The following PAK2 variants were observed in gnomAD, a reference collection of about 807,000 sequenced individuals.
PAK2 encodes serine/threonine-protein kinase PAK 2.
A neutral mutation model predicts 65.9 loss-of-function variants in PAK2; 21 were observed. That is an observed-to-expected ratio of 0.32 (90% CI 0.23 to 0.46). The LOEUF (loss-of-function observed/expected upper bound fraction) is 0.46. PAK2 is among the 20% of genes least tolerant of loss of function. The pLI, the probability that PAK2 is intolerant of heterozygous loss-of-function variation, is 1.00. For synonymous variants in PAK2, 204 were observed against 219.7 expected (o/e 0.93, Z 0.63); for missense variants, 324 against 642.6 (o/e 0.50, Z 5.36).
chr3:196,824,995 T>C (rs1377473750), intron 13 of PAK2, among the ~76,000 whole-genome samples: 1 of 152,164 alleles, frequency 6.6e-6, no homozygotes, highest in Non-Finnish European at 1.5e-5. Flanking sequence ...GGGAACTCTG[T>C]ACTATCTGTT....
chr3:196,792,570 C>G (rs1364703580), intron 2 of PAK2, among the ~76,000 whole-genome samples: 2 of 152,082 alleles, frequency 1.3e-5, no homozygotes, highest in Non-Finnish European at 2.9e-5. Context: ...TCCCTCATTA[C>G]TAGTTAAATA....
At chr3:196,750,463 A>G (rs1342748685) in intron 1 of PAK2, among the ~76,000 whole-genome samples, 1 of 152,146 alleles carries the variant, frequency 6.6e-6, no homozygotes, top group African/African-American at 2.4e-5. Flanking sequence ...GTACGTGTGT[A>G]AATTCTACAC....
intron 1 of PAK2, among the ~76,000 whole-genome samples, chr3:196,748,381 G>A (rs778083138): frequency 1.1e-4 from 17 of 152,106 alleles, no homozygotes; most frequent in Non-Finnish European, 1.9e-4. Flanking sequence ...TGCTCGTATG[G>A]TATTGTACAT....
intron 1 of PAK2, among the ~76,000 whole-genome samples, chr3:196,778,889 G>A (rs750100754): frequency 2.3e-4 from 35 of 152,206 alleles, no homozygotes; most frequent in Non-Finnish European, 5.0e-4. Flanking sequence ...GGGTTTGGGG[G>A]AAGAATACCA....
At chr3:196,772,770 G>C (rs370150369) in intron 1 of PAK2, among the ~76,000 whole-genome samples, 5 of 152,154 alleles carry the variant, frequency 3.3e-5, no homozygotes, top group African/African-American at 7.2e-5. Context: ...CGGGGCAGGT[G>C]GGGAGGGAAG....
In PAK2 at chr3:196,753,851, A is replaced by G. The variant is rs537404423; in HGVS notation, c.-22+13694A>G. On this transcript the variant is annotated intron_variant, in intron 1 of 14. Coordinates refer to ENST00000327134, the MANE Select transcript of PAK2 (RefSeq NM_002577.4). ...TACATGTTCACTAATGTTGCCTGAAACATTAGTTCCTTATGATCTTTGTAC... is the reference window on the plus strand; with the variant it reads ...TACATGTTCACTAATGTTGCCTGAAGCATTAGTTCCTTATGATCTTTGTAC... 9.2e-5 allele frequency among the ~76,000 whole-genome samples: 14 copies of G among 152,242 alleles called. No individual in the cohort carries two copies. The East Asian group carries it at 1.5e-3, about 17-fold the overall frequency.
In PAK2 at chr3:196,780,153, C is replaced by T. The variant is rs75258669; in HGVS notation, c.-21-2473C>T. On this transcript the variant is annotated intron_variant, in intron 1 of 14. Coordinates refer to ENST00000327134, the MANE Select transcript of PAK2 (RefSeq NM_002577.4). ...GAATCATTTTAGGGCATGTTGTCAG[C>T]ACTGCCTTAGATCCTGCCCTCATTT... Among the ~76,000 whole-genome samples, 266 of 152,334 alleles carry T rather than the reference C, an allele frequency of 1.7e-3. 3 individuals carry two copies. In the East Asian group the frequency reaches 0.033, roughly 19 times the overall value.
At chr3:196,798,921 C>A (rs1037263744) in intron 2 of PAK2, among the ~76,000 whole-genome samples, 1 of 152,096 alleles carries the variant, frequency 6.6e-6, no homozygotes, top group African/African-American at 2.4e-5. Flanking sequence ...CTTTTAAAAA[C>A]CTACCATTGG....
chr3:196,769,510 A>G (rs1714289584), intron 1 of PAK2, among the ~76,000 whole-genome samples: 1 of 151,710 alleles, frequency 6.6e-6, no homozygotes, highest in African/African-American at 2.4e-5. Flanking sequence ...TCATCATCCC[A>G]AGCAGCAATT....
rs991427249 is a variant in PAK2, at chr3:196,829,900, C to T, written c.*1495C>T. On this transcript the variant is annotated 3_prime_UTR_variant, in exon 15 of 15. Transcript: ENST00000327134. ...TTATTTGAGTGCCCTCCCTTCTCCC[C>T]TCCCCTCCCTTTTCTCTTCTCTTTT... The T allele has an allele frequency of 1.3e-5, 2 of 151,992 alleles. No individual in the cohort carries two copies. Among genetic ancestry groups the T allele is most frequent in the Non-Finnish European group, 1.5e-5 (1 of 68,006 alleles). 9.4% of individuals were successfully genotyped at this position (151,992 alleles called of 1,614,324 possible). A position where few individuals can be genotyped will look rare whatever the true frequency, so the allele number is the denominator to read the frequency against.
chr3:196,819,207 C>T lies in PAK2; in HGVS notation c.1153+1051C>T, dbSNP rs559797202. Among the ~76,000 whole-genome samples, 9 of 152,154 alleles carry T rather than the reference C, an allele frequency of 5.9e-5. No homozygotes were observed. The East Asian group carries it at 1.2e-3, about 20-fold the overall frequency. ...CTGTAATCCCAGCACTTTGGGAGGT[C>T]GAGGCAGGTGGATTGCTTGAGCCCA... On this transcript the variant is annotated intron_variant, in intron 12 of 14. Coordinates refer to ENST00000327134, the MANE Select transcript of PAK2 (RefSeq NM_002577.4).
intron 13 of PAK2, among the ~76,000 whole-genome samples, chr3:196,822,046 C>T (rs192170228): frequency 4.5e-4 from 69 of 152,258 alleles, no homozygotes; most frequent in Non-Finnish European, 3.8e-4. Context: ...AGATTCTGAC[C>T]GTCTGTTTCC....
chr3:196,764,814 G>A (rs1270220854), intron 1 of PAK2, among the ~76,000 whole-genome samples: 3 of 149,534 alleles, frequency 2.0e-5, no homozygotes, highest in East Asian at 2.0e-4. Flanking sequence ...TCACTGCACC[G>A]ACCCCAAATT....
At chr3:196,775,825 C>G (rs1714518975) in intron 1 of PAK2, among the ~76,000 whole-genome samples, 1 of 152,160 alleles carries the variant, frequency 6.6e-6, no homozygotes, top group South Asian at 2.1e-4. Flanking sequence ...TAATGAAAAG[C>G]AGTATGGTAA....
chr3:196,824,580 C>G, intron 13 of PAK2, among the ~76,000 whole-genome samples: 1 of 152,034 alleles, frequency 6.6e-6, no homozygotes, highest in East Asian at 1.9e-4. Flanking sequence ...GGCAGGGGAT[C>G]GGGGGTAGAG....
intron 1 of PAK2, among the ~76,000 whole-genome samples, chr3:196,757,195 A>T (rs1429008978): frequency 6.6e-6 from 1 of 152,210 alleles, no homozygotes; most frequent in East Asian, 1.9e-4. Flanking sequence ...AGGTCAGAGC[A>T]GGTGACCAGG....
At chr3:196,804,806 G>GATATATATATATATATAT (rs371990910) in intron 4 of PAK2, among the ~76,000 whole-genome samples, 3 of 142,554 alleles carry the variant, frequency 2.1e-5, no homozygotes, top group African/African-American at 7.9e-5. Context: ...GTGTGTGTGT[G>GATATATATATATATATAT]ATATATATAT....
At chr3:196,765,361 GC>G (rs1652488669) in intron 1 of PAK2, among the ~76,000 whole-genome samples, 5 of 151,992 alleles carry the variant, frequency 3.3e-5, no homozygotes, top group Non-Finnish European at 7.4e-5. Context: ...TGTTGGCCAG[GC>G]TGGGCTCGAA....
intron 1 of PAK2, among the ~76,000 whole-genome samples, chr3:196,751,173 C>T (rs1560089438): frequency 6.6e-6 from 1 of 152,064 alleles, no homozygotes; most frequent in Admixed American, 6.6e-5. Flanking sequence ...TTTCATGTAG[C>T]GCAGTATTTT....
Sources: gnomAD v4.1 joint callset for allele counts (sites outside exome capture counted in the v4.1 genomes callset) on GRCh38, gnomAD v4.1.1 for gene constraint, MANE v1.5 for transcripts, NCBI Gene and HGNC (gene_info 2026-07-23, HGNC 2026-07-21) for gene names.